COL4A6: variants seen among roughly 807,000 people sequenced by gnomAD.
The protein encoded by COL4A6 is collagen alpha-6(IV) chain.
COL4A6 carries 59 observed loss-of-function variants against 126.7 expected under a neutral mutation model. The ratio of observed to expected loss-of-function variants is 0.47; its 90% CI spans 0.38 to 0.58. COL4A6 has a LOEUF of 0.58. Among genes scored for constraint, COL4A6 ranks in the 20% least tolerant of loss-of-function variants. COL4A6 has a pLI of 0.00. For missense variants in COL4A6, 1,285 were observed against 1,337.3 expected (o/e 0.96, Z 0.61); for synonymous variants, 547 against 496.6 (o/e 1.10, Z -1.35).
At chrX:108,343,165 A>ATATATATATAGTGTGTGTGT (rs1377817612) in intron 2 of COL4A6, among the ~76,000 whole-genome samples, 3 of 31,414 alleles carry the variant, frequency 9.5e-5, no homozygotes, top group East Asian at 1.3e-3. Context: ...ATATATATAT[A>ATATATATATAGTGTGTGTGT]GTGTGTGTGT....
chrX:108,302,505 TGC>T (rs1360286482), intron 3 of COL4A6, among the ~76,000 whole-genome samples: 6 of 111,835 alleles, frequency 5.4e-5, no homozygotes, highest in African/African-American at 1.9e-4. Context: ...GTGTGAGCTC[TGC>T]CATGTGCTTA....
At chrX:108,240,854 T>C (rs1244017247) in intron 3 of COL4A6, among the ~76,000 whole-genome samples, 1 of 112,323 alleles carries the variant, frequency 8.9e-6, no homozygotes, top group African/African-American at 3.2e-5. Flanking sequence ...TTACTAACTA[T>C]GGTTTTGCAT....
At chrX:108,309,406 C>T (rs2038706395) in intron 3 of COL4A6, among the ~76,000 whole-genome samples, 1 of 110,957 alleles carries the variant, frequency 9.0e-6, no homozygotes, top group Non-Finnish European at 1.9e-5. Context: ...AATTTTTCTT[C>T]TGCGTCTGTT....
intron 2 of COL4A6, among the ~76,000 whole-genome samples, chrX:108,327,890 A>T (rs1160193864): frequency 9.0e-6 from 1 of 111,260 alleles, no homozygotes; most frequent in East Asian, 2.8e-4. Flanking sequence ...CCACTGCCCA[A>T]ATAAGTGATG....
rs145329559 is a variant in COL4A6 at position 108,420,963 on chromosome X, T to C, written c.63+16979A>G. On this transcript the variant is annotated intron_variant, in intron 2 of 44. Transcript: ENST00000334504. Reference sequence around the variant, plus strand: ...TCCTTAAAAGTGACCGGGCCAACAATAGTGTTACAAGCTTTAGGAGATGAA... The same window carrying C: ...TCCTTAAAAGTGACCGGGCCAACAACAGTGTTACAAGCTTTAGGAGATGAA... Among the ~76,000 whole-genome samples, 23 of 111,989 alleles carry C rather than the reference T, an allele frequency of 2.1e-4. No individual in the cohort carries two copies. In the East Asian group the frequency reaches 6.5e-3, roughly 31 times the overall value.
chrX:108,358,539 C>T (rs1481474142), intron 2 of COL4A6, among the ~76,000 whole-genome samples: 2 of 109,914 alleles, frequency 1.8e-5, no homozygotes, highest in South Asian at 4.0e-4. Context: ...GGACCACAGG[C>T]GTGAGCCACT....
At chrX:108,242,608 G>A (rs1314282404) in intron 3 of COL4A6, among the ~76,000 whole-genome samples, 1 of 112,317 alleles carries the variant, frequency 8.9e-6, no homozygotes, top group Non-Finnish European at 1.9e-5. Flanking sequence ...CAAATAAATG[G>A]TTTTTAGAAG....
intron 2 of COL4A6, among the ~76,000 whole-genome samples, chrX:108,315,180 T>C (rs2147923299): frequency 8.9e-6 from 1 of 112,338 alleles, no homozygotes; most frequent in South Asian, 3.7e-4. Context: ...AAAGGGAAGA[T>C]TGTACTTTTT....
At chrX:108,189,011 C>T (rs1464721923) in intron 20 of COL4A6, among the ~76,000 whole-genome samples, 1 of 112,405 alleles carries the variant, frequency 8.9e-6, no homozygotes, top group Non-Finnish European at 1.9e-5. Flanking sequence ...GACTTTTGTA[C>T]ATATGACACA....
Position 108,438,345 on chromosome X carries a change from C to A in COL4A6, c.-149G>T. 1 of 1,079,272 alleles carries A rather than the reference C, an allele frequency of 9.3e-7. No homozygotes were observed. Among genetic ancestry groups the A allele is most frequent in the Non-Finnish European group, 1.2e-6 (1 of 832,882 alleles). 88.9% of individuals were successfully genotyped at this position (1,079,272 alleles called of 1,213,427 possible). On this transcript the variant is annotated 5_prime_UTR_variant, in exon 1 of 45. Coordinates refer to ENST00000334504, the MANE Select transcript of COL4A6 (RefSeq NM_033641.4). ...GTGGCCCAGTTTGGAAGAAACTAAA[C>A]ACTGCTTCTAGATAAGAAGTGCTCC...
At chrX:108,258,302 G>T (rs1475448057) in intron 3 of COL4A6, among the ~76,000 whole-genome samples, 2 of 111,975 alleles carry the variant, frequency 1.8e-5, no homozygotes, top group South Asian at 7.5e-4. Context: ...TTCTGTCAAA[G>T]AAACCTGGGT....
intron 3 of COL4A6, among the ~76,000 whole-genome samples, chrX:108,270,625 A>G (rs989614977): frequency 4.4e-5 from 5 of 112,494 alleles, no homozygotes; most frequent in Non-Finnish European, 9.4e-5. Flanking sequence ...GTGGGTTGTT[A>G]CATGGTGACA....
At chrX:108,255,462 A>G (rs2036977736) in intron 3 of COL4A6, among the ~76,000 whole-genome samples, 1 of 111,029 alleles carries the variant, frequency 9.0e-6, no homozygotes, top group Non-Finnish European at 1.9e-5. Context: ...CAATAAAGGG[A>G]CTCAGTGGCA....
intron 13 of COL4A6, among the ~76,000 whole-genome samples, chrX:108,201,262 AT>A (rs2035383788): frequency 8.9e-6 from 1 of 111,815 alleles, no homozygotes; most frequent in African/African-American, 3.2e-5. Context: ...AGGCCTAGTC[AT>A]CTTTGATTCA....
At chrX:108,357,520 T>C (rs1016426322) in intron 2 of COL4A6, among the ~76,000 whole-genome samples, 1 of 111,264 alleles carries the variant, frequency 9.0e-6, no homozygotes, top group African/African-American at 3.3e-5. Context: ...CATAGATAGA[T>C]GGTCACTCTT....
At chrX:108,168,443 C>T (rs1011062697) in intron 37 of COL4A6, among the ~76,000 whole-genome samples, 2 of 112,079 alleles carry the variant, frequency 1.8e-5, no homozygotes, top group African/African-American at 3.2e-5. Context: ...TATAGTCCCT[C>T]GGAAACATAC....
At chrX:108,363,325 G>A (rs775288245) in intron 2 of COL4A6, among the ~76,000 whole-genome samples, 15 of 111,711 alleles carry the variant, frequency 1.3e-4, no homozygotes, top group South Asian at 1.1e-3. Flanking sequence ...TCTATATGTG[G>A]ACCTCTTCAG....
At chrX:108,415,334 C>G (rs889504889) in intron 2 of COL4A6, among the ~76,000 whole-genome samples, 1 of 111,682 alleles carries the variant, frequency 9.0e-6, no homozygotes, top group African/African-American at 3.3e-5. Flanking sequence ...AATGTAATGC[C>G]TATATTATTT....
chrX:108,430,468 AC>A (rs1321517173), intron 2 of COL4A6, among the ~76,000 whole-genome samples: 1 of 111,724 alleles, frequency 9.0e-6, no homozygotes, highest in Non-Finnish European at 1.9e-5. Context: ...GAAAGAAGAA[AC>A]CAATAAAGGC....
Sources: gnomAD v4.1 joint callset for allele counts (sites outside exome capture counted in the v4.1 genomes callset) on GRCh38, gnomAD v4.1.1 for gene constraint, MANE v1.5 for transcripts, NCBI Gene and HGNC (gene_info 2026-07-23, HGNC 2026-07-21) for gene names.